Variants in CBX2 observed in about 807,000 individuals in gnomAD.
CBX2 encodes the protein chromobox protein homolog 2.
CBX2 carries 11 observed loss-of-function variants against 21.0 expected under a neutral mutation model. That is an observed-to-expected ratio of 0.52 (90% CI 0.33 to 0.87). The LOEUF is 0.87. Ranked by LOEUF, CBX2 falls within the 40% of genes least tolerant of loss-of-function variation. The pLI is 0.02. For synonymous variants in CBX2, 364 were observed against 304.6 expected (o/e 1.19, Z -2.03); for missense variants, 746 against 724.3 (o/e 1.03, Z -0.34).
Position 79,784,526 on chromosome 17 carries a change from C to T in CBX2, c.1083C>T (p.Val361=), listed in dbSNP as rs1164013177. 1.2e-6 allele frequency: 2 copies of T among 1,612,520 alleles called. No homozygotes were observed. The highest frequency in any genetic ancestry group is 1.3e-5 in the African/African-American group (1 of 74,882). The change falls in exon 5 of 5, where the codon GTC becomes GTT. Residue 361 remains valine (V), a synonymous_variant. Coordinates refer to ENST00000310942, the MANE Select transcript of CBX2 (RefSeq NM_005189.3). This position sits in a 1 kb window ranked among gnomAD's most constrained non-coding sequence, Gnocchi z 5.9. ...TCCAGGTCTTGGACTTGCAGAGTGT[C>T]AAGAATGGCATGCCCGGGGTGGGTC... The part of the protein sequence containing the change: ...LSLQVLDLQS[V]KNGMPGVGLL...
chr17:79,779,528 C>A, intron 3 of CBX2, 101 bp downstream of exon 3: 1 of 1,092,648 alleles, frequency 9.2e-7, no homozygotes, highest in Non-Finnish European at 1.4e-6. Flanking sequence ...GGAGCTGGGG[C>A]TGTGGTCTGA....
At chr17:79,777,942 C>T (rs1201906245), upstream of CBX2, among the ~76,000 whole-genome samples, 1 of 144,754 alleles carries the variant, frequency 6.9e-6, no homozygotes, top group Admixed American at 6.8e-5. Flanking sequence ...CCCGCCCCCG[C>T]CCGGGGCCCC....
At chr17:79,779,457 G>T in intron 3 of CBX2, 30 bp downstream of exon 3, 1 of 1,600,768 alleles carries the variant, frequency 6.2e-7, no homozygotes, top group East Asian at 2.2e-5. Flanking sequence ...TGGGGAGGGT[G>T]TGGGGGAGGG....
chr17:79,779,445 A>T lies in CBX2; in HGVS notation c.182+18A>T. On this transcript the variant is annotated intron_variant, in intron 3 of 4. Coordinates refer to ENST00000310942, the MANE Select transcript of CBX2 (RefSeq NM_005189.3). Reference sequence around the variant, plus strand: ...CAGAAGAAGTGAGGACGCTGACAGCACTGGGGAGGGTGTGGGGGAGGGACG... The same window carrying T: ...CAGAAGAAGTGAGGACGCTGACAGCTCTGGGGAGGGTGTGGGGGAGGGACG... 1 of 1,577,660 alleles carries T rather than the reference A, an allele frequency of 6.3e-7. No individual in the cohort carries two copies. Among genetic ancestry groups the T allele is most frequent in the South Asian group, 1.1e-5 (1 of 89,318 alleles).
At chr17:79,779,023 T>C (rs1906957566) in intron 2 of CBX2, among the ~76,000 whole-genome samples, 2 of 152,288 alleles carry the variant, frequency 1.3e-5, no homozygotes, top group Admixed American at 1.3e-4. Flanking sequence ...CTCCTCTGGC[T>C]CCGGGCCAGG....
chr17:79,784,634 T>C lies in CBX2; in HGVS notation c.1191T>C (p.Ile397=), dbSNP rs1267138835. ...GGAAGGGCACTGGGAGTGGCCTCAT[T>C]GGGGCCAGCGGGGCCACCATGCCCA... ...APGKGTGSGL[I]GASGATMPTD... The change falls in exon 5 of 5, where the codon ATT becomes ATC. Residue 397 remains isoleucine, a synonymous_variant. Transcript: ENST00000310942. This position sits in a 1 kb window ranked among gnomAD's most constrained non-coding sequence, Gnocchi z 5.9. 1.2e-6 allele frequency: 2 copies of C among 1,612,224 alleles called. No individual in the cohort carries two copies. Among genetic ancestry groups the C allele is most frequent in the Non-Finnish European group, 8.5e-7 (1 of 1,179,862 alleles).
rs1555831463 is a variant in CBX2, at chr17:79,785,001, T to G, written c.1558T>G (p.Ser520Ala). ...CCTCATCACCGTCACAGTGAAGGAG[T>G]CTCCCACCAGCGTGGGCTTCTTCAA... ...ANLITVTVKE[S>A]PTSVGFFNLR... Residue 520 changes from serine (S) to alanine (A), a missense_variant, in exon 5 of 5, where the codon TCT becomes GCT. By Grantham distance (99) the Ser-to-Ala change is moderately conservative. Around this residue, in one of 2 missense-constraint regions of CBX2, gnomAD observed 701 missense variants for 650.7 expected, o/e 1.08. Coordinates refer to ENST00000310942, the MANE Select transcript of CBX2 (RefSeq NM_005189.3). 4 of 1,603,978 alleles carry G rather than the reference T, an allele frequency of 2.5e-6. No individual in the cohort carries two copies. The highest frequency in any genetic ancestry group is 3.3e-5 in the Admixed American group (2 of 60,014).
intron 4 of CBX2, among the ~76,000 whole-genome samples, chr17:79,782,747 T>G (rs1907327626): frequency 6.6e-6 from 1 of 152,102 alleles, no homozygotes; most frequent in South Asian, 2.1e-4. Context: ...ATTGATGCCT[T>G]GTTTGAGGAG....
chr17:79,781,650 G>T (rs1907208911), intron 3 of CBX2, 46 bp from the exon 4 acceptor site: 4 of 1,513,804 alleles, frequency 2.6e-6, no homozygotes, highest in Non-Finnish European at 3.7e-6. Flanking sequence ...TGGTAGAAGG[G>T]GTACGCACAG....
chr17:79,784,559 C>G lies in CBX2; in HGVS notation c.1116C>G (p.Ala372=), dbSNP rs1555831275. 3 of 1,612,486 alleles carry G rather than the reference C, an allele frequency of 1.9e-6. No individual in the cohort carries two copies. Among genetic ancestry groups the G allele is most frequent in the African/African-American group, 2.7e-5 (2 of 74,902 alleles). Residue 372 remains alanine, a synonymous_variant, in exon 5 of 5, where the codon GCC becomes GCG. Transcript: ENST00000310942. The surrounding 1 kb of genome is among the most constrained non-coding windows in gnomAD (Gnocchi z 5.9). ...KNGMPGVGLL[A]RHATATKGVP... is the part of the protein sequence containing the mutation. ...GCATGCCCGGGGTGGGTCTCCTTGCCCGCCACGCCACCGCCACCAAGGGTG... is the reference window on the plus strand; with the variant it reads ...GCATGCCCGGGGTGGGTCTCCTTGCGCGCCACGCCACCGCCACCAAGGGTG...
Position 79,778,186 on chromosome 17 carries a change from G to GGGCGGGTGACTGGC in CBX2, c.-43_-30dup. The GGGCGGGTGACTGGC allele has an allele frequency of 8.6e-7, 1 of 1,161,090 alleles. No homozygotes were observed. Among genetic ancestry groups the GGGCGGGTGACTGGC allele is most frequent in the Non-Finnish European group, 1.1e-6 (1 of 921,746 alleles). The allele number at this position is 1,161,090 out of a possible 1,614,324, so 71.9% of individuals were successfully genotyped here. On this transcript the variant is annotated 5_prime_UTR_variant, in exon 1 of 5. Transcript: ENST00000310942. The surrounding 1 kb of genome is among the most constrained non-coding windows in gnomAD (Gnocchi z 4.8). ...CTGCCGGCGGGGCGCGCGGCGGTCC[G>GGGCGGGTGACTGGC]GGCGGGTGACTGGCGGCGGGCGCCG...
chr17:79,782,324 G>A, intron 4 of CBX2: 1 of 1,494,162 alleles, frequency 6.7e-7, no homozygotes, highest in Non-Finnish European at 8.9e-7. Context: ...GTGGGCTGAT[G>A]ATGTGCTTTG....
Position 79,778,348 on chromosome 17 carries a change from T to TGC in CBX2, c.73-36_73-35insGC. 2 of 1,575,370 alleles carry TGC rather than the reference T, an allele frequency of 1.3e-6. No individual in the cohort carries two copies. Among genetic ancestry groups the TGC allele is most frequent in the Non-Finnish European group, 1.7e-6 (2 of 1,165,642 alleles). Reference sequence around the variant, plus strand: ...CGGGCCCCCCGCCCGCCGCCCGCTGTCCGTCTGGCTCACGGCCCCTCTTCT... The same window carrying TGC: ...CGGGCCCCCCGCCCGCCGCCCGCTGTGCCCGTCTGGCTCACGGCCCCTCTTCT... On this transcript the variant is annotated intron_variant, in intron 1 of 4. Transcript: ENST00000310942. The surrounding 1 kb of genome is among the most constrained non-coding windows in gnomAD (Gnocchi z 4.8).
At chr17:79,782,136 C>T (rs1339518726) in intron 4 of CBX2, 3 of 1,612,884 alleles carry the variant, frequency 1.9e-6, no homozygotes, top group Non-Finnish European at 2.5e-6. Context: ...GAACAGGAAG[C>T]ATGCGTACAG....
chr17:79,784,518 CAG>C lies in CBX2; in HGVS notation c.1078_1079del (p.Ser360CysfsTer52). 2 of 1,612,718 alleles carry C rather than the reference CAG, an allele frequency of 1.2e-6. No homozygotes were observed. Among genetic ancestry groups the C allele is most frequent in the Non-Finnish European group, 1.7e-6 (2 of 1,179,918 alleles). Reference sequence around the variant, plus strand: ...GCTGAGCCTCCAGGTCTTGGACTTGCAGAGTGTCAAGAATGGCATGCCCGGGG... The same window carrying C: ...GCTGAGCCTCCAGGTCTTGGACTTGCAGTGTCAAGAATGGCATGCCCGGGG... ...QELSLQVLDL[Q>X]SVKNGMPGVG... is the part of the protein sequence containing the mutation. On this transcript the variant is annotated frameshift_variant, in exon 5 of 5. Transcript: ENST00000310942. LOFTEE classifies it low-confidence loss of function (END_TRUNC). The surrounding 1 kb of genome is among the most constrained non-coding windows in gnomAD (Gnocchi z 5.9).
chr17:79,782,437 C>G, intron 4 of CBX2: 1 of 1,298,356 alleles, frequency 7.7e-7, no homozygotes, highest in Non-Finnish European at 9.9e-7. Context: ...GCCCCTCCCT[C>G]CCCTGAGGAC....
chr17:79,778,363 GC>G lies in CBX2; in HGVS notation c.73-17del, dbSNP rs1241440831. On this transcript the variant is annotated intron_variant, in intron 1 of 4. Transcript: ENST00000310942. This position sits in a 1 kb window ranked among gnomAD's most constrained non-coding sequence, Gnocchi z 4.8. ...CCGCCCGCTGTCCGTCTGGCTCACG[GC>G]CCCTCTTCTCTCCCCGCAGGGCAAG... The G allele has an allele frequency of 6.3e-7, 1 of 1,583,986 alleles. No individual in the cohort carries two copies. Among genetic ancestry groups the G allele is most frequent in the Non-Finnish European group, 8.5e-7 (1 of 1,170,198 alleles).
chr17:79,781,061 CG>C (rs35868794), intron 3 of CBX2, among the ~76,000 whole-genome samples: 53,191 of 149,160 alleles, frequency 0.36, 9,694 homozygotes, highest in Middle Eastern at 0.45. Context: ...CTTCTGGGGG[CG>C]GGGGGGGTAC....
intron 3 of CBX2, among the ~76,000 whole-genome samples, chr17:79,781,323 A>G (rs1907181295): frequency 6.6e-6 from 1 of 152,052 alleles, no homozygotes; most frequent in Non-Finnish European, 1.5e-5. Context: ...TCCTTCTCCT[A>G]TTGAAAGTAA....
Sources: allele counts gnomAD v4.1 joint callset (sites outside exome capture counted in the v4.1 genomes callset), GRCh38; gene constraint gnomAD v4.1.1; regional missense constraint gnomAD v4.1.1; non-coding constraint Gnocchi (gnomAD v3.1); transcripts MANE v1.5; gene names NCBI Gene and HGNC (gene_info 2026-07-23, HGNC 2026-07-21).